The following LEKR1 variants were observed in gnomAD, a reference collection of about 807,000 sequenced individuals.
The protein encoded by LEKR1 is protein LEKR1.
A neutral mutation model predicts 72.4 loss-of-function variants in LEKR1; 59 were observed. The observed-to-expected ratio is 0.82, with a 90% CI of 0.66 to 1.01. The LOEUF (loss-of-function observed/expected upper bound fraction) is 1.01. Among genes scored for constraint, LEKR1 ranks in the 50% least tolerant of loss-of-function variants. The pLI, the probability that LEKR1 is intolerant of heterozygous loss-of-function variation, is 0.00. For missense variants in LEKR1, 728 were observed against 759.2 expected, an observed-to-expected ratio of 0.96 and a Z score of 0.48; for synonymous variants, 257 against 263.2, an observed-to-expected ratio of 0.98 and a Z score of 0.23.
intron 3 of LEKR1, among the ~76,000 whole-genome samples, chr3:156,912,349 G>T (rs553767499): frequency 6.6e-6 from 1 of 152,258 alleles, no homozygotes; most frequent in East Asian, 1.9e-4. Context: ...AATATTCCAG[G>T]AAGGAGTGTA....
intron 3 of LEKR1, among the ~76,000 whole-genome samples, chr3:156,868,310 T>C (rs1390301894): frequency 6.6e-6 from 1 of 152,052 alleles, no homozygotes; most frequent in East Asian, 1.9e-4. Context: ...TCATAATAAT[T>C]TCCTAGAATG....
intron 3 of LEKR1, among the ~76,000 whole-genome samples, chr3:156,912,015 A>AT (rs934166006): frequency 4.0e-5 from 6 of 149,998 alleles, no homozygotes; most frequent in African/African-American, 7.4e-5. Flanking sequence ...AAATTTTAGG[A>AT]TTTTTTTTCT....
chr3:157,009,178 A>T (rs1732701504), intron 9 of LEKR1, among the ~76,000 whole-genome samples: 1 of 152,172 alleles, frequency 6.6e-6, no homozygotes, highest in Non-Finnish European at 1.5e-5. Flanking sequence ...TAAAATGCTT[A>T]GTTGCCACAT....
chr3:157,023,215 T>G (rs1733960324), intron 10 of LEKR1, among the ~76,000 whole-genome samples: 1 of 152,180 alleles, frequency 6.6e-6, no homozygotes, highest in African/African-American at 2.4e-5. Flanking sequence ...TTTATAATCC[T>G]GGCACAGTAT....
intron 6 of LEKR1, among the ~76,000 whole-genome samples, chr3:156,966,455 T>C (rs112863398): frequency 0.071 from 10,838 of 152,278 alleles, 492 homozygotes; most frequent in African/African-American, 0.12. Context: ...CCAATGATCT[T>C]AGCAAATGAC....
chr3:156,930,640 A>G (rs889367125), intron 5 of LEKR1, among the ~76,000 whole-genome samples: 2 of 152,196 alleles, frequency 1.3e-5, no homozygotes, highest in Non-Finnish European at 2.9e-5. Context: ...AAAGTATTCA[A>G]ACAATCCAAA....
chr3:157,028,542 C>T (rs1490481347), intron 12 of LEKR1, 140 bp downstream of exon 12: 2 of 712,312 alleles, frequency 2.8e-6, no homozygotes, highest in Non-Finnish European at 4.6e-6. Context: ...CATCCTGGTG[C>T]TCTGTCCTTA....
chr3:156,848,265 G>T (rs1272277477), intron 2 of LEKR1, among the ~76,000 whole-genome samples: 2 of 152,114 alleles, frequency 1.3e-5, no homozygotes, highest in South Asian at 2.1e-4. Context: ...AGCCACTCTT[G>T]GTTATGTCTG....
intron 3 of LEKR1, among the ~76,000 whole-genome samples, chr3:156,880,992 A>G (rs1398078446): frequency 1.3e-5 from 2 of 152,208 alleles, no homozygotes; most frequent in African/African-American, 4.8e-5. Context: ...TATTGATGGG[A>G]CGTATCTCAA....
At chr3:156,924,826 A>G (rs1724552501) in intron 4 of LEKR1, 1 of 259,334 alleles carries the variant, frequency 3.9e-6, no homozygotes, top group Non-Finnish European at 7.2e-6. Context: ...TGTCAGTGCC[A>G]CACTCTCTTA....
At chr3:157,007,373 G>A (rs1183135745) in intron 9 of LEKR1, among the ~76,000 whole-genome samples, 1 of 152,202 alleles carries the variant, frequency 6.6e-6, no homozygotes, top group African/African-American at 2.4e-5. Context: ...ACATTTCAGA[G>A]AGGAAAGCTA....
At chr3:156,903,410 G>A (rs1722223693) in intron 3 of LEKR1, among the ~76,000 whole-genome samples, 1 of 151,444 alleles carries the variant, frequency 6.6e-6, no homozygotes, top group South Asian at 2.1e-4. Context: ...CATTTTTAAG[G>A]ATCGGTAGAA....
At chr3:156,976,266 T>C (rs1729679791) in intron 6 of LEKR1, among the ~76,000 whole-genome samples, 1 of 152,170 alleles carries the variant, frequency 6.6e-6, no homozygotes, top group Admixed American at 6.5e-5. Context: ...TAAAATTACA[T>C]ATCAAGTACC....
rs16827028 is a variant in LEKR1 at position 157,012,346 on chromosome 3, C to T, written c.1203+840C>T. On this transcript the variant is annotated intron_variant, in intron 10 of 12. Coordinates refer to ENST00000356539, the MANE Select transcript of LEKR1 (RefSeq NM_001004316.3). ...CTTAAATTTTCCTCTAGAAATGGAG[C>T]TGGTCGCCAAAATTCAGATTGTTTG... is the stretch of plus-strand genomic sequence containing the variant. Among the ~76,000 whole-genome samples, 906 of 152,182 alleles carry T rather than the reference C, an allele frequency of 6.0e-3. 15 individuals are homozygous for T. The highest frequency in any genetic ancestry group is 0.021 in the African/African-American group (877 of 41,544).
chr3:157,007,337 G>A (rs1450353042), intron 9 of LEKR1, among the ~76,000 whole-genome samples: 1 of 152,170 alleles, frequency 6.6e-6, no homozygotes, highest in Non-Finnish European at 1.5e-5. Flanking sequence ...TTCAGATGTG[G>A]CCAACCCAGA....
chr3:156,920,513 A>G (rs1724090689), intron 3 of LEKR1, 62 bp from the exon 4 acceptor site: 7 of 993,712 alleles, frequency 7.0e-6, no homozygotes, highest in Non-Finnish European at 1.0e-5. Flanking sequence ...GTATATTTAA[A>G]TGTTAACTTG....
At chr3:156,870,410 C>T (rs948177901) in intron 3 of LEKR1, among the ~76,000 whole-genome samples, 5 of 151,908 alleles carry the variant, frequency 3.3e-5, no homozygotes, top group African/African-American at 1.2e-4. Flanking sequence ...AGGTTTTTCA[C>T]CTCCTTGGTT....
chr3:156,899,799 T>C (rs1721819257), intron 3 of LEKR1, among the ~76,000 whole-genome samples: 1 of 150,642 alleles, frequency 6.6e-6, no homozygotes, highest in South Asian at 2.1e-4. Context: ...TATATACATG[T>C]ATATATACAT....
At chr3:156,987,365 C>A (rs1216064661) in intron 7 of LEKR1, among the ~76,000 whole-genome samples, 2 of 152,096 alleles carry the variant, frequency 1.3e-5, no homozygotes, top group Non-Finnish European at 2.9e-5. Context: ...TAAAAAAATG[C>A]AGCCCAAATT....
Sources: allele counts gnomAD v4.1 joint callset (sites outside exome capture counted in the v4.1 genomes callset), GRCh38; gene constraint gnomAD v4.1.1; transcripts MANE v1.5; gene names NCBI Gene and HGNC (gene_info 2026-07-23, HGNC 2026-07-21).